FAF1: variants seen among roughly 807,000 people sequenced by gnomAD.
The protein encoded by FAF1 is Fas associated factor 1.
In FAF1, 25 loss-of-function variants were observed where a neutral mutation model predicts 92.5. The ratio of observed to expected loss-of-function variants is 0.27; its 90% CI spans 0.20 to 0.38. The LOEUF (loss-of-function observed/expected upper bound fraction) is 0.38. Ranked by LOEUF, FAF1 falls within the 10% of genes least tolerant of loss-of-function variation. FAF1 has a pLI of 1.00. For synonymous variants in FAF1, 234 were observed against 273.2 expected, an observed-to-expected ratio of 0.86 and a Z score of 1.42; for missense variants, 636 against 793.3, an observed-to-expected ratio of 0.80 and a Z score of 2.38.
At chr1:50,547,542 G>A (rs1649089531) in intron 13 of FAF1, among the ~76,000 whole-genome samples, 1 of 151,868 alleles carries the variant, frequency 6.6e-6, no homozygotes, top group South Asian at 2.1e-4. Flanking sequence ...AGCCTCCTGA[G>A]TAGCTGGGAT....
At chr1:50,688,209 T>A (rs1167688358) in intron 7 of FAF1, among the ~76,000 whole-genome samples, 2 of 151,960 alleles carry the variant, frequency 1.3e-5, no homozygotes, top group Admixed American at 6.6e-5. Context: ...AAGTATTGGT[T>A]AGTACATGGA....
intron 12 of FAF1, among the ~76,000 whole-genome samples, chr1:50,575,526 T>C (rs1013097323): frequency 3.9e-5 from 6 of 152,228 alleles, no homozygotes; most frequent in Non-Finnish European, 5.9e-5. Context: ...TGGAATTATG[T>C]GGTGTCATTT....
intron 15 of FAF1, among the ~76,000 whole-genome samples, chr1:50,515,326 G>A (rs1279466396): frequency 6.6e-6 from 1 of 152,102 alleles, no homozygotes. Context: ...ATCTCATAAG[G>A]AACTGAATCA....
intron 2 of FAF1, among the ~76,000 whole-genome samples, chr1:50,840,838 A>C (rs1350648705): frequency 6.6e-6 from 1 of 151,982 alleles, no homozygotes; most frequent in Non-Finnish European, 1.5e-5. Context: ...GGTAAAGAAA[A>C]ATTACAGAGC....
Position 50,473,910 on chromosome 1 carries a change from T to C in FAF1, c.1869+1554A>G, listed in dbSNP as rs189026342. ...TGGGTTTTGGTATGCTAGGTTACTA[T>C]ACCTAGATCACAATGGAATCACAGA... On this transcript the variant is annotated intron_variant, in intron 18 of 18. Transcript: ENST00000396153. 9.2e-5 allele frequency among the ~76,000 whole-genome samples: 14 copies of C among 152,336 alleles called. No homozygotes were observed. The East Asian group carries it at 2.7e-3, about 29-fold the overall frequency.
chr1:50,520,524 T>C (rs889460390), intron 15 of FAF1, among the ~76,000 whole-genome samples: 2 of 152,188 alleles, frequency 1.3e-5, no homozygotes, highest in African/African-American at 2.4e-5. Flanking sequence ...ACATGCAAAC[T>C]GTACTGTACT....
Position 50,818,297 on chromosome 1 carries a change from T to G in FAF1, c.115-16620A>C, listed in dbSNP as rs145987062. Among the ~76,000 whole-genome samples the G allele has an allele frequency of 2.2e-3, 342 of 152,316 alleles. 2 individuals are homozygous for G. Among genetic ancestry groups the G allele is most frequent in the African/African-American group, 7.7e-3 (318 of 41,556 alleles). ...AACTCTCATACATTACTGGTGGGAA[T>G]GTAAAATGGTGCAGCTACTTTGGAA... is the stretch of plus-strand genomic sequence containing the variant. On this transcript the variant is annotated intron_variant, in intron 2 of 18. Transcript: ENST00000396153.
chr1:50,921,397 C>T (rs918879631), intron 1 of FAF1, among the ~76,000 whole-genome samples: 1 of 152,200 alleles, frequency 6.6e-6, no homozygotes, highest in South Asian at 2.1e-4. Context: ...AACAACAAGA[C>T]CAGCTCTACA....
At chr1:50,723,320 G>C (rs923785866) in intron 6 of FAF1, among the ~76,000 whole-genome samples, 14 of 151,642 alleles carry the variant, frequency 9.2e-5, no homozygotes, top group African/African-American at 3.4e-4. Flanking sequence ...AGAATTGCTT[G>C]AACCGGGAGG....
At chr1:50,704,551 A>G (rs1307769642) in intron 7 of FAF1, among the ~76,000 whole-genome samples, 1 of 152,186 alleles carries the variant, frequency 6.6e-6, no homozygotes, top group Admixed American at 6.5e-5. Context: ...GAGCCACGGC[A>G]AAACATTATT....
In FAF1 at chr1:50,612,407, G is replaced by C; in HGVS notation, c.745-16191C>G. 5 of 1,190,844 alleles carry C rather than the reference G, an allele frequency of 4.2e-6. No homozygotes were observed. In the South Asian group the frequency reaches 6.4e-5, roughly 15 times the overall value. 73.8% of individuals were successfully genotyped at this position (1,190,844 alleles called of 1,614,324 possible). On this transcript the variant is annotated intron_variant, in intron 8 of 18. Coordinates refer to ENST00000396153, the MANE Select transcript of FAF1 (RefSeq NM_007051.3). ...TTAGTGGAGAAACCTCATTATTTTA[G>C]AGAGCTACTGTATTAATCAGTGGTC...
chr1:50,800,652 G>A (rs764705509), intron 3 of FAF1, among the ~76,000 whole-genome samples: 1 of 152,128 alleles, frequency 6.6e-6, no homozygotes, highest in Non-Finnish European at 1.5e-5. Flanking sequence ...GGTGGTACAG[G>A]TATCAAACAA....
intron 2 of FAF1, among the ~76,000 whole-genome samples, chr1:50,804,250 T>C (rs1662107824): frequency 6.6e-6 from 1 of 152,170 alleles, no homozygotes; most frequent in African/African-American, 2.4e-5. Flanking sequence ...AAAATGGAGA[T>C]GTCCAAAAAG....
intron 8 of FAF1, among the ~76,000 whole-genome samples, chr1:50,648,237 G>C (rs953720657): frequency 6.6e-6 from 1 of 151,918 alleles, no homozygotes; most frequent in African/African-American, 2.4e-5. Flanking sequence ...CAGCCTGGGT[G>C]ACAAGAGTGA....
intron 8 of FAF1, among the ~76,000 whole-genome samples, chr1:50,604,320 A>AT (rs1652277912): frequency 6.6e-6 from 1 of 152,172 alleles, no homozygotes; most frequent in South Asian, 2.1e-4. Context: ...TCTATCAGTG[A>AT]TCCCACCATC....
chr1:50,855,047 A>G (rs1024377229), intron 2 of FAF1, among the ~76,000 whole-genome samples: 1 of 151,842 alleles, frequency 6.6e-6, no homozygotes, highest in Non-Finnish European at 1.5e-5. Context: ...TGGATTTTAG[A>G]TTTTTGGATT....
At chr1:50,599,042 G>A (rs1205504346) in intron 8 of FAF1, among the ~76,000 whole-genome samples, 1 of 152,048 alleles carries the variant, frequency 6.6e-6, no homozygotes, top group African/African-American at 2.4e-5. Context: ...GATTCTTTCA[G>A]TAGTTCCATA....
intron 8 of FAF1, among the ~76,000 whole-genome samples, chr1:50,627,709 TG>T (rs1653571762): frequency 2.0e-5 from 3 of 152,310 alleles, no homozygotes; most frequent in Admixed American, 2.0e-4. Context: ...GGGGGGCTTC[TG>T]GGATACTTTA....
At chr1:50,820,556 T>G (rs1419304829) in intron 2 of FAF1, among the ~76,000 whole-genome samples, 3 of 152,116 alleles carry the variant, frequency 2.0e-5, no homozygotes, top group African/African-American at 7.2e-5. Flanking sequence ...GTAAACAATA[T>G]AGTATTATTA....
Sources: allele counts gnomAD v4.1 joint callset (sites outside exome capture counted in the v4.1 genomes callset), GRCh38; gene constraint gnomAD v4.1.1; transcripts MANE v1.5; gene names NCBI Gene and HGNC (gene_info 2026-07-23, HGNC 2026-07-21).